The following HLCS variants were observed in gnomAD, a reference collection of about 807,000 sequenced individuals.
HLCS encodes biotin--protein ligase.
In HLCS, 53 loss-of-function variants were observed where a neutral mutation model predicts 75.0. The observed-to-expected ratio is 0.71, with a 90% confidence interval of 0.57 to 0.89. HLCS has a LOEUF of 0.89. HLCS is among the 40% of genes least tolerant of loss of function. The pLI, the probability that HLCS is intolerant of heterozygous loss-of-function variation, is 0.00. For synonymous variants in HLCS, 431 were observed against 428.6 expected, an observed-to-expected ratio of 1.01 and a Z score of -0.07; for missense variants, 966 against 1,074.0, an observed-to-expected ratio of 0.90 and a Z score of 1.41.
chr21:36,973,185 G>A (rs1485114372), intron 1 of HLCS, among the ~76,000 whole-genome samples: 1 of 150,140 alleles, frequency 6.7e-6, no homozygotes, highest in East Asian at 1.9e-4. Flanking sequence ...AGCTGTGATC[G>A]CACCACTGGT....
chr21:36,869,286 G>A (rs1021011802), intron 6 of HLCS, among the ~76,000 whole-genome samples: 10 of 151,838 alleles, frequency 6.6e-5, no homozygotes, highest in Admixed American at 3.3e-4. Flanking sequence ...CACCACGCCC[G>A]GCTAATCTTC....
chr21:36,804,266 C>T (rs1299379855), intron 6 of HLCS: 3 of 152,406 alleles, frequency 2.0e-5, no homozygotes, highest in Non-Finnish European at 4.4e-5. Flanking sequence ...TCATCTGAAA[C>T]TCCCAAGTTA....
chr21:36,958,251 A>AG (rs745987219), intron 2 of HLCS, among the ~76,000 whole-genome samples: 37 of 150,688 alleles, frequency 2.5e-4, no homozygotes, highest in Admixed American at 2.7e-4. Context: ...AAAAAAAAAA[A>AG]AAAAAGAAAG....
chr21:36,754,535 C>A, intron 10 of HLCS, 118 bp from the exon 11 acceptor site: 2 of 1,088,394 alleles, frequency 1.8e-6, no homozygotes, highest in South Asian at 1.3e-5. Context: ...GGCTGAGGCT[C>A]GCTGCAGGGA....
chr21:36,863,856 T>C (rs1258067361), intron 6 of HLCS, among the ~76,000 whole-genome samples: 1 of 154 alleles, frequency 6.5e-3, no homozygotes, highest in Non-Finnish European at 0.015. Flanking sequence ...TCAGCTATGT[T>C]GCCACAAAGT....
chr21:36,857,327 T>C (rs145246443), intron 6 of HLCS, among the ~76,000 whole-genome samples: 1 of 152,288 alleles, frequency 6.6e-6, no homozygotes, highest in East Asian at 1.9e-4. Context: ...ACCTTTCTGT[T>C]TGTTCGATCC....
chr21:36,852,139 G>A (rs1465797738), intron 6 of HLCS: 2 of 152,254 alleles, frequency 1.3e-5, no homozygotes, highest in African/African-American at 4.8e-5. Flanking sequence ...GAGATGCTCT[G>A]AGGATGCCAT....
intron 6 of HLCS, among the ~76,000 whole-genome samples, chr21:36,854,763 C>T (rs887604975): frequency 1.3e-5 from 2 of 152,108 alleles, no homozygotes; most frequent in Non-Finnish European, 2.9e-5. Context: ...CAAGGTCAGC[C>T]CTGGACAACA....
At chr21:36,789,823 C>CCAT (rs1291986282) in intron 6 of HLCS, among the ~76,000 whole-genome samples, 1 of 152,172 alleles carries the variant, frequency 6.6e-6, no homozygotes, top group Non-Finnish European at 1.5e-5. Flanking sequence ...CTGTATCTTG[C>CCAT]CATAGTCTTT....
rs114946833 is a variant in HLCS, at chr21:36,907,355, T to C, written c.1621-10224A>G. On this transcript the variant is annotated intron_variant, in intron 5 of 10. Coordinates refer to ENST00000674895, the MANE Select transcript of HLCS (RefSeq NM_001352514.2). ...AAATTAAGAATATTAACAACTGCTG[T>C]TCTTGAAGAGATAATGCTGGCCAGA... Among the ~76,000 whole-genome samples the C allele has an allele frequency of 3.1e-3, 465 of 152,270 alleles. 1 individual carries two copies. The highest frequency in any genetic ancestry group is 9.7e-3 in the African/African-American group (405 of 41,562).
At chr21:36,781,024 C>A (rs1465194595) in intron 6 of HLCS, among the ~76,000 whole-genome samples, 1 of 136,074 alleles carries the variant, frequency 7.3e-6, no homozygotes, top group African/African-American at 2.7e-5. Context: ...GTATTTACAG[C>A]CGCTCCCCAC....
intron 6 of HLCS, among the ~76,000 whole-genome samples, chr21:36,891,471 C>T (rs1412174430): frequency 3.3e-5 from 5 of 152,148 alleles, no homozygotes; most frequent in Non-Finnish European, 7.4e-5. Flanking sequence ...ATGTATGCCC[C>T]AGAAACAAGG....
chr21:36,867,397 G>A (rs1313431311), intron 6 of HLCS, among the ~76,000 whole-genome samples: 1 of 152,192 alleles, frequency 6.6e-6, no homozygotes, highest in Non-Finnish European at 1.5e-5. Context: ...GAGTAACACA[G>A]CAGCAAACAC....
rs943633260 is a variant in HLCS, at chr21:36,905,958, G to A, written c.1621-8827C>T. Among the ~76,000 whole-genome samples, 55 of 149,350 alleles carry A rather than the reference G, an allele frequency of 3.7e-4. 1 individual carries two copies. Among genetic ancestry groups the A allele is most frequent in the Admixed American group, 2.0e-4 (3 of 14,664 alleles). On this transcript the variant is annotated intron_variant, in intron 5 of 10. Coordinates refer to ENST00000674895, the MANE Select transcript of HLCS (RefSeq NM_001352514.2). The stretch of plus-strand genomic sequence containing the variant: ...TCAGGTACTTGGGAGGCTGAGACAC[G>A]AGAATCACTTGAACCTGGGAGGCAG...
At chr21:36,911,426 G>A (rs911139988) in intron 5 of HLCS, among the ~76,000 whole-genome samples, 2 of 152,076 alleles carry the variant, frequency 1.3e-5, no homozygotes, top group African/African-American at 4.8e-5. Flanking sequence ...GAACAGAAGG[G>A]GACTATTTTG....
intron 6 of HLCS, among the ~76,000 whole-genome samples, chr21:36,866,229 G>A (rs983832970): frequency 6.6e-6 from 1 of 152,078 alleles, no homozygotes; most frequent in Non-Finnish European, 1.5e-5. Context: ...GTAAGGGAAG[G>A]GCAGAAATGC....
intron 6 of HLCS, among the ~76,000 whole-genome samples, chr21:36,801,177 T>C (rs564597723): frequency 6.6e-6 from 1 of 152,316 alleles, no homozygotes; most frequent in Non-Finnish European, 1.5e-5. Flanking sequence ...CAATCACTGG[T>C]AAGCCGTCAA....
In HLCS at chr21:36,842,312, G is replaced by T. The variant is rs2062641826; in HGVS notation, c.1892+54548C>A. On this transcript the variant is annotated intron_variant, in intron 6 of 10. Transcript: ENST00000674895. The surrounding 1 kb of genome is among the most constrained non-coding windows in gnomAD (Gnocchi z 4.2). ...GGATGCAGATGGGAAGGGACCTGAAGGTGCCTCTGACTGCTGGAACCCATT... is the reference window on the plus strand; with the variant it reads ...GGATGCAGATGGGAAGGGACCTGAATGTGCCTCTGACTGCTGGAACCCATT... 1.3e-5 allele frequency among the ~76,000 whole-genome samples: 2 copies of T among 152,170 alleles called. No homozygotes were observed. The highest frequency in any genetic ancestry group is 4.1e-4 in the South Asian group (2 of 4,828).
chr21:36,880,808 C>A (rs766983249), intron 6 of HLCS, among the ~76,000 whole-genome samples: 3 of 152,148 alleles, frequency 2.0e-5, no homozygotes, highest in African/African-American at 7.2e-5. Flanking sequence ...TCCACATCTG[C>A]CCAAACTCCC....
Sources: gnomAD v4.1 joint callset for allele counts (sites outside exome capture counted in the v4.1 genomes callset) on GRCh38, gnomAD v4.1.1 for gene constraint, Gnocchi (gnomAD v3.1) non-coding constraint, MANE v1.5 for transcripts, NCBI Gene and HGNC (gene_info 2026-07-23, HGNC 2026-07-21) for gene names.